The following PRDM8 variants were observed in gnomAD, a reference collection of about 807,000 sequenced individuals.
PRDM8 encodes the protein PR domain zinc finger protein 8.
PRDM8 carries 13 observed loss-of-function variants against 46.5 expected under a neutral mutation model. That is an observed-to-expected ratio of 0.28 (90% CI 0.18 to 0.44). PRDM8 has a LOEUF of 0.44. Among genes scored for constraint, PRDM8 ranks in the 20% least tolerant of loss-of-function variants. The pLI is 1.00. For missense variants in PRDM8, 998 were observed against 955.0 expected, an observed-to-expected ratio of 1.04 and a Z score of -0.59; for synonymous variants, 473 against 438.4, an observed-to-expected ratio of 1.08 and a Z score of -0.98.
At chr4:80,197,108 G>T, upstream of PRDM8, 2 of 985,474 alleles carry the variant, frequency 2.0e-6, no homozygotes, top group South Asian at 9.4e-5. Context: ...ACGGAACGCG[G>T]ACTCCGGGGA....
chr4:80,199,440 G>A lies in PRDM8; in HGVS notation c.-2-639G>A, dbSNP rs143150650. ...GGATTATGGTAATGAGCAGACATAC[G>A]TCCCTTCTTGTAGGCTGCAGAGAAA... On this transcript the variant is annotated intron_variant, in intron 1 of 3. Transcript: ENST00000415738. Among the ~76,000 whole-genome samples, 1,326 of 152,222 alleles carry A rather than the reference G, an allele frequency of 8.7e-3. 20 individuals carry two copies. Among genetic ancestry groups the A allele is most frequent in the Middle Eastern group, 0.041 (12 of 294 alleles).
Position 80,202,750 on chromosome 4 carries a change from C to T in PRDM8, c.1288C>T (p.Pro430Ser), listed in dbSNP as rs979733757. The T allele has an allele frequency of 3.2e-5, 41 of 1,281,860 alleles. No homozygotes were observed. In the Admixed American group the frequency reaches 5.9e-4, roughly 18 times the overall value. The allele number at this position is 1,281,860 out of a possible 1,614,324, so 79.4% of individuals were successfully genotyped here. A position where few individuals can be genotyped will look rare whatever the true frequency, so the allele number is the denominator to read the frequency against. Residue 430 changes from proline to serine, a missense_variant, in exon 4 of 4, where the codon CCG (proline) becomes TCG (serine). By Grantham distance (74) the Pro-to-Ser change is moderately conservative. Coordinates refer to ENST00000415738, the MANE Select transcript of PRDM8 (RefSeq NM_001099403.2). Reference protein sequence around the residue: ...GGSSTPAAASPVGAEKLLAPR... With the variant: ...GGSSTPAAASSVGAEKLLAPR... Reference sequence around the variant, plus strand: ...CTCCTCCACGCCCGCGGCCGCGTCACCGGTGGGCGCCGAGAAGCTGCTGGC... The same window carrying T: ...CTCCTCCACGCCCGCGGCCGCGTCATCGGTGGGCGCCGAGAAGCTGCTGGC...
In PRDM8 at chr4:80,203,736, A is replaced by AC. The variant is rs1377512134; in HGVS notation, c.*205dup. ...TCATTCAAATATTTACCCGGGACAC[A>AC]CACCCCCCCCCACACACACACACAG... is the stretch of plus-strand genomic sequence containing the variant. On this transcript the variant is annotated 3_prime_UTR_variant, in exon 4 of 4. Coordinates refer to ENST00000415738, the MANE Select transcript of PRDM8 (RefSeq NM_001099403.2). 68 of 445,986 alleles carry AC rather than the reference A, an allele frequency of 1.5e-4. No homozygotes were observed. Among genetic ancestry groups the AC allele is most frequent in the African/African-American group, 1.4e-3 (55 of 39,228 alleles). The allele number at this position is 445,986 out of a possible 1,614,324, so 27.6% of individuals were successfully genotyped here.
At chr4:80,198,980 GTTTTTTTTTTTTTGTTTT>G (rs1422209861) in intron 1 of PRDM8, among the ~76,000 whole-genome samples, 7 of 104,188 alleles carry the variant, frequency 6.7e-5, no homozygotes, top group Admixed American at 1.1e-4. Context: ...GTTTTTTTGG[GTTTTTTTTTTTTTGTTTT>G]TTTTTTTTTT....
In PRDM8 at chr4:80,204,109, G is replaced by A. The variant is rs1477404387; in HGVS notation, c.*577G>A. The A allele has an allele frequency of 6.5e-6, 1 of 152,708 alleles. No homozygotes were observed. The highest frequency in any genetic ancestry group is 1.5e-5 in the Non-Finnish European group (1 of 68,124). 9.5% of individuals were successfully genotyped at this position (152,708 alleles called of 1,614,324 possible). A position where few individuals can be genotyped will look rare whatever the true frequency, so the allele number is the denominator to read the frequency against. On this transcript the variant is annotated 3_prime_UTR_variant, in exon 4 of 4. Transcript: ENST00000415738. ...ACCATTCAATTTGAGTTTCCAGGGG[G>A]AAGTGCATGTATAATGAAATGATAA... is the stretch of plus-strand genomic sequence containing the variant.
rs966518706 is a variant in PRDM8, at chr4:80,203,757, C to T, written c.*225C>T. On this transcript the variant is annotated 3_prime_UTR_variant, in exon 4 of 4. Transcript: ENST00000415738. ...ACACACACCCCCCCCCACACACACA[C>T]ACAGACACACTCACACACAAGAGCC... 6.1e-5 allele frequency: 31 copies of T among 505,780 alleles called. No homozygotes were observed. The East Asian group carries it at 1.3e-3, about 21-fold the overall frequency. The allele number at this position is 505,780 out of a possible 1,614,324, so 31.3% of individuals were successfully genotyped here. A position where few individuals can be genotyped will look rare whatever the true frequency, so the allele number is the denominator to read the frequency against.
At chr4:80,187,244 T>TGCGGGGTG (rs60061648) in intron 1 of PRDM8, among the ~76,000 whole-genome samples, 2 of 89,988 alleles carry the variant, frequency 2.2e-5, no homozygotes, top group East Asian at 1.1e-3. Flanking sequence ...TTCTCTGCCC[T>TGCGGGGTG]GGGGCGGGGG....
chr4:80,190,846 A>G (rs1737490119), intron 1 of PRDM8, among the ~76,000 whole-genome samples: 1 of 152,134 alleles, frequency 6.6e-6, no homozygotes, highest in African/African-American at 2.4e-5. Flanking sequence ...CATTCGGTGC[A>G]TTGGCATTGG....
At chr4:80,199,974 C>G in intron 1 of PRDM8, 105 bp from the exon 2 acceptor site, 1 of 832,690 alleles carries the variant, frequency 1.2e-6, no homozygotes, top group South Asian at 1.7e-5. Context: ...AAAAATCAGG[C>G]ATGTGCAAGG....
At chr4:80,190,682 G>A (rs896862935) in intron 1 of PRDM8, among the ~76,000 whole-genome samples, 4 of 152,166 alleles carry the variant, frequency 2.6e-5, no homozygotes, top group African/African-American at 9.7e-5. Flanking sequence ...TAAGACATGG[G>A]CACCGGACAA....
At chr4:80,186,342 T>G (rs1455551400) in intron 1 of PRDM8, among the ~76,000 whole-genome samples, 2 of 151,272 alleles carry the variant, frequency 1.3e-5, no homozygotes, top group Non-Finnish European at 2.9e-5. Context: ...TCCTTCCTCT[T>G]TCCACTTACC....
chr4:80,195,916 CACACACACACACAG>C (rs1262691139), upstream of PRDM8: 1 of 180,602 alleles, frequency 5.5e-6, no homozygotes, highest in Non-Finnish European at 8.9e-6. Context: ...CACACACACA[CACACACACACACAG>C]AGAGAGAGAG....
chr4:80,203,201 C>T lies in PRDM8; in HGVS notation c.1739C>T (p.Ala580Val), dbSNP rs1325853079. 1 of 1,551,432 alleles carries T rather than the reference C, an allele frequency of 6.4e-7. No individual in the cohort carries two copies. The highest frequency in any genetic ancestry group is 1.2e-5 in the South Asian group (1 of 85,102). Residue 580 changes from alanine to valine, a missense_variant, in exon 4 of 4, where the codon GCC (alanine) becomes GTC (valine). Ala to Val is a moderately conservative substitution (Grantham distance 64, BLOSUM62 0). Transcript: ENST00000415738. ...PKQSPFLYAT[A>V]FWPKSSAAAA... is the part of the protein sequence containing the mutation. ...CAGAGCCCCTTCCTGTACGCCACCG[C>T]CTTCTGGCCCAAGAGCTCCGCTGCC...
chr4:80,187,246 G>A (rs372643037), intron 1 of PRDM8, among the ~76,000 whole-genome samples: 2 of 98,032 alleles, frequency 2.0e-5, no homozygotes, highest in African/African-American at 8.1e-5. Flanking sequence ...CTCTGCCCTG[G>A]GGCGGGGGGA....
Position 80,203,124 on chromosome 4 carries a change from C to T in PRDM8, c.1662C>T (p.Asp554=). The change falls in exon 4 of 4, where the codon GAC becomes GAT. Residue 554 remains aspartate (D), a synonymous_variant. Coordinates refer to ENST00000415738, the MANE Select transcript of PRDM8 (RefSeq NM_001099403.2). ...PLAVKLQGAA[D]LNGGCGSLPS... ...CGGTGAAGCTCCAGGGGGCCGCGGACCTGAACGGAGGTTGCGGGTCCCTGC... is the reference window on the plus strand; with the variant it reads ...CGGTGAAGCTCCAGGGGGCCGCGGATCTGAACGGAGGTTGCGGGTCCCTGC... The T allele has an allele frequency of 1.3e-6, 2 of 1,566,110 alleles. No individual in the cohort carries two copies. The highest frequency in any genetic ancestry group is 8.6e-7 in the Non-Finnish European group (1 of 1,164,136).
At chr4:80,194,207 G>A (rs895439067), upstream of PRDM8, 1 of 982,702 alleles carries the variant, frequency 1.0e-6, no homozygotes, top group Admixed American at 6.1e-5. Flanking sequence ...ATTTTTGCCA[G>A]GACTCCAAAG....
intron 1 of PRDM8, among the ~76,000 whole-genome samples, chr4:80,187,255 G>GGA (rs61665794): frequency 8.4e-5 from 12 of 143,452 alleles, no homozygotes; most frequent in African/African-American, 2.3e-4. Flanking sequence ...GGGGCGGGGG[G>GGA]AAGCAGAAGA....
intron 3 of PRDM8, 145 bp from the exon 4 acceptor site, chr4:80,201,769 G>T: frequency 8.1e-7 from 1 of 1,239,808 alleles, no homozygotes; most frequent in East Asian, 2.4e-5. Context: ...TCTTTTCTCA[G>T]GCACTCAGGC....
rs1235910801 is a variant in PRDM8 at position 80,202,197 on chromosome 4, C to T, written c.735C>T (p.Asn245=). 1.9e-6 allele frequency: 3 copies of T among 1,612,092 alleles called. No individual in the cohort carries two copies. The Admixed American group carries it at 5.0e-5, about 27-fold the overall frequency. ...CATCCCCCTCCCCGGAAAGCAGCAA[C>T]CCATCCGCTGCCGCCGGCGGCAGCA... ...HYPSPSPESS[N]PSAAAGGSSA... is the part of the protein sequence containing the mutation. The change falls in exon 4 of 4, where the codon AAC becomes AAT. Residue 245 remains asparagine, a synonymous_variant. Coordinates refer to ENST00000415738, the MANE Select transcript of PRDM8 (RefSeq NM_001099403.2).
Sources: allele counts gnomAD v4.1 joint callset (sites outside exome capture counted in the v4.1 genomes callset), GRCh38; gene constraint gnomAD v4.1.1; transcripts MANE v1.5; gene names NCBI Gene and HGNC (gene_info 2026-07-23, HGNC 2026-07-21).